PRKN: variants seen among roughly 807,000 people sequenced by gnomAD.
The protein encoded by PRKN is E3 ubiquitin-protein ligase parkin.
In PRKN, 56 loss-of-function variants were observed where a neutral mutation model predicts 59.5. The observed-to-expected ratio is 0.94, with a 90% confidence interval of 0.76 to 1.18. PRKN has a LOEUF of 1.18. Ranked by LOEUF, PRKN falls within the 50% of genes most tolerant of loss-of-function variation. The probability of loss-of-function intolerance (pLI) is 0.00; values close to 1 mark genes in which losing one functional copy is unlikely to be tolerated. For missense variants in PRKN, 657 were observed against 596.4 expected, an observed-to-expected ratio of 1.10 and a Z score of -1.06; for synonymous variants, 250 against 222.1, an observed-to-expected ratio of 1.13 and a Z score of -1.12.
At chr6:162,397,759 G>A (rs148034027) in intron 2 of PRKN, among the ~76,000 whole-genome samples, 29 of 152,136 alleles carry the variant, frequency 1.9e-4, no homozygotes, top group East Asian at 1.5e-3. Flanking sequence ...GATTTTGGCC[G>A]GTCACAGTGG....
intron 7 of PRKN, among the ~76,000 whole-genome samples, chr6:161,694,270 T>C (rs891784598): frequency 6.6e-6 from 1 of 151,908 alleles, no homozygotes; most frequent in African/African-American, 2.4e-5. Context: ...CCATGGACTA[T>C]GATGTAACCC....
chr6:162,642,360 C>G (rs1379981149), intron 1 of PRKN, among the ~76,000 whole-genome samples: 2 of 152,046 alleles, frequency 1.3e-5, no homozygotes, highest in Non-Finnish European at 2.9e-5. Flanking sequence ...AATGTTAGTT[C>G]TTATAATGTT....
At chr6:162,388,726 C>A (rs930245625) in intron 2 of PRKN, among the ~76,000 whole-genome samples, 5 of 152,096 alleles carry the variant, frequency 3.3e-5, no homozygotes. Context: ...CACCCTGGAC[C>A]CCTCTCTCTT....
At chr6:162,011,388 AAT>A (rs1378703595) in intron 5 of PRKN, among the ~76,000 whole-genome samples, 1 of 13,704 alleles carries the variant, frequency 7.3e-5, no homozygotes, top group Non-Finnish European at 1.1e-4. Flanking sequence ...ATATATTTAT[AAT>A]ATATATTATA....
In PRKN at chr6:161,588,661, G is replaced by A. The variant is rs995195383; in HGVS notation, c.872-19245C>T. ...CTGATCCATGTGAGCCACCAACTTG[G>A]TTCTGAGTTTCCCAGCAATCAGAAC... On this transcript the variant is annotated intron_variant, in intron 7 of 11. Coordinates refer to ENST00000366898, the MANE Select transcript of PRKN (RefSeq NM_004562.3). The surrounding 1 kb of genome is among the most constrained non-coding windows in gnomAD (Gnocchi z 5.0). Among the ~76,000 whole-genome samples, 13 of 152,110 alleles carry A rather than the reference G, an allele frequency of 8.5e-5. No homozygotes were observed. The highest frequency in any genetic ancestry group is 2.9e-4 in the African/African-American group (12 of 41,424).
intron 2 of PRKN, among the ~76,000 whole-genome samples, chr6:162,333,595 G>A (rs1282616204): frequency 6.6e-6 from 1 of 152,134 alleles, no homozygotes; most frequent in Non-Finnish European, 1.5e-5. Context: ...TGTTACATGT[G>A]TTCCGACTGA....
chr6:162,622,295 T>G (rs2803039), intron 1 of PRKN, among the ~76,000 whole-genome samples: 92,031 of 141,216 alleles, frequency 0.65, 28,969 homozygotes, highest in African/African-American at 0.76. Context: ...AATTCTGTTT[T>G]TTTTTTTGTT....
At chr6:162,308,111 C>T (rs1183116763) in intron 2 of PRKN, among the ~76,000 whole-genome samples, 2 of 152,124 alleles carry the variant, frequency 1.3e-5, no homozygotes, top group African/African-American at 4.8e-5. Context: ...ACCGTCACTG[C>T]TACCAGGAAC....
chr6:162,209,715 C>T (rs2128334273), intron 3 of PRKN, among the ~76,000 whole-genome samples: 1 of 152,284 alleles, frequency 6.6e-6, no homozygotes, highest in Non-Finnish European at 1.5e-5. Context: ...CCCAAATATC[C>T]ATCAATGATA....
At position 162,490,108 on chromosome 6, in the gene PRKN, G is replaced by A. The variant is rs552445228; in HGVS notation, c.8-46635C>T. On this transcript the variant is annotated intron_variant, in intron 1 of 11. Coordinates refer to ENST00000366898, the MANE Select transcript of PRKN (RefSeq NM_004562.3). ...GGCTCCCTGCAGAGTCCTTGGAAGC[G>A]ATGTGACAGGTTTTCATAAAGAGGG... is the stretch of plus-strand genomic sequence containing the variant. Among the ~76,000 whole-genome samples the A allele has an allele frequency of 5.9e-4, 90 of 152,212 alleles. 2 individuals are homozygous for A. In the South Asian group the frequency reaches 6.6e-3, roughly 11 times the overall value.
rs1159372793 is a variant in PRKN at position 161,445,425 on chromosome 6, G to A, written c.1084-58548C>T. Among the ~76,000 whole-genome samples, 1 of 152,116 alleles carries A rather than the reference G, an allele frequency of 6.6e-6. No homozygotes were observed. The highest frequency in any genetic ancestry group is 6.5e-5 in the Admixed American group (1 of 15,274). On this transcript the variant is annotated intron_variant, in intron 9 of 11. Transcript: ENST00000366898. The surrounding 1 kb of genome is among the most constrained non-coding windows in gnomAD (Gnocchi z 7.7). ...AGATTGATCAGAGGAGCTGAGAGCT[G>A]AGGCCCACCCTCCCCTTTCTCCTAC...
chr6:162,233,196 A>AAACATCTCCAAT (rs1778497318), intron 3 of PRKN, among the ~76,000 whole-genome samples: 1 of 152,206 alleles, frequency 6.6e-6, no homozygotes, highest in Admixed American at 6.5e-5. Context: ...GAGGTTTTTA[A>AAACATCTCCAAT]AACATCTCCA....
At chr6:162,560,093 T>C (rs1779773232) in intron 1 of PRKN, among the ~76,000 whole-genome samples, 1 of 152,170 alleles carries the variant, frequency 6.6e-6, no homozygotes, top group African/African-American at 2.4e-5. Flanking sequence ...GGGATAAACA[T>C]AACTTATCAA....
chr6:161,625,128 G>C (rs1003775124), intron 7 of PRKN, among the ~76,000 whole-genome samples: 1 of 152,158 alleles, frequency 6.6e-6, no homozygotes, highest in African/African-American at 2.4e-5. Flanking sequence ...GTTTATTGCA[G>C]CACTATTCAC....
rs189115449 is a variant in PRKN at position 162,018,051 on chromosome 6, G to T, written c.618+36040C>A. 5.8e-3 allele frequency among the ~76,000 whole-genome samples: 883 copies of T among 152,112 alleles called. 12 individuals are homozygous for T. The highest frequency in any genetic ancestry group is 0.021 in the African/African-American group (859 of 41,482). ...TTTTATTTTTATTTTTTTTGAGACG[G>T]AGTCTTGCTCTGTCACCCAGGCTGG... On this transcript the variant is annotated intron_variant, in intron 5 of 11. Coordinates refer to ENST00000366898, the MANE Select transcript of PRKN (RefSeq NM_004562.3).
At chr6:161,860,474 C>T (rs956336566) in intron 6 of PRKN, among the ~76,000 whole-genome samples, 5 of 152,182 alleles carry the variant, frequency 3.3e-5, no homozygotes, top group South Asian at 4.1e-4. Context: ...TTTGCGATCT[C>T]GCACTCACTT....
At position 162,185,076 on chromosome 6, in the gene PRKN, C is replaced by T. The variant is rs148948041; in HGVS notation, c.534+16055G>A. Among the ~76,000 whole-genome samples the T allele has an allele frequency of 1.1e-4, 17 of 152,184 alleles. No homozygotes were observed. In the East Asian group the frequency reaches 3.3e-3, roughly 29 times the overall value. ...GCATCGTTATGAAACTTGTATTGGG[C>T]TCTGCTTCTGAACATATATACTGGC... On this transcript the variant is annotated intron_variant, in intron 4 of 11. Coordinates refer to ENST00000366898, the MANE Select transcript of PRKN (RefSeq NM_004562.3).
intron 7 of PRKN, among the ~76,000 whole-genome samples, chr6:161,667,618 G>A (rs1161219758): frequency 6.6e-6 from 1 of 152,224 alleles, no homozygotes; most frequent in East Asian, 1.9e-4. Context: ...ATCATTCTTC[G>A]TATCTCTAGT....
intron 2 of PRKN, among the ~76,000 whole-genome samples, chr6:162,293,738 A>G (rs2128110202): frequency 6.6e-6 from 1 of 152,308 alleles, no homozygotes; most frequent in South Asian, 2.1e-4. Flanking sequence ...GGGCTGTGGG[A>G]AAGACTGGGG....
Sources: allele counts gnomAD v4.1 joint callset (sites outside exome capture counted in the v4.1 genomes callset), GRCh38; gene constraint gnomAD v4.1.1; non-coding constraint Gnocchi (gnomAD v3.1); transcripts MANE v1.5; gene names NCBI Gene and HGNC (gene_info 2026-07-23, HGNC 2026-07-21).